ZNF155: variants seen among roughly 807,000 people sequenced by gnomAD.
ZNF155 encodes KRAB A domain.
A neutral mutation model predicts 11.9 loss-of-function variants in ZNF155; 15 were observed. That is an observed-to-expected ratio of 1.26 (90% CI 0.84 to 1.94). The LOEUF is 1.94. ZNF155 is among the 30% of genes most tolerant of loss of function. ZNF155 has a pLI of 0.00. For missense variants in ZNF155, 602 were observed against 639.1 expected (o/e 0.94, Z 0.63); for synonymous variants, 212 against 219.9 (o/e 0.96, Z 0.32).
chr19:43,986,249 C>G (rs750564222), intron 1 of ZNF155, among the ~76,000 whole-genome samples: 2 of 152,050 alleles, frequency 1.3e-5, no homozygotes, highest in African/African-American at 2.4e-5. Context: ...GATGGAACTT[C>G]CAGTTCTCCT....
chr19:43,986,498 G>A (rs951809778), intron 1 of ZNF155, among the ~76,000 whole-genome samples: 4 of 144,994 alleles, frequency 2.8e-5, no homozygotes, highest in Non-Finnish European at 5.9e-5. Flanking sequence ...CACCTAGGCT[G>A]GAGTGCAGTG....
At position 43,997,793 on chromosome 19, in the gene ZNF155, A is replaced by C; in HGVS notation, c.*319A>C. ...ATGCCCATGGCTGCACAGATAGAAGAACCTCCAGCCCATTCAGGTAAAAAC... is the reference window on the plus strand; with the variant it reads ...ATGCCCATGGCTGCACAGATAGAAGCACCTCCAGCCCATTCAGGTAAAAAC... On this transcript the variant is annotated 3_prime_UTR_variant, in exon 5 of 5. Transcript: ENST00000270014. The C allele has an allele frequency of 4.7e-6, 1 of 211,474 alleles. No individual in the cohort carries two copies. The highest frequency in any genetic ancestry group is 1.1e-4 in the East Asian group (1 of 9,152). 13.1% of individuals were successfully genotyped at this position (211,474 alleles called of 1,614,324 possible). A position where few individuals can be genotyped will look rare whatever the true frequency, so the allele number is the denominator to read the frequency against.
intron 2 of ZNF155, chr19:43,988,866 T>C (rs393536): frequency 0.37 from 103,745 of 279,408 alleles, 21,385 homozygotes; most frequent in African/African-American, 0.59. Context: ...CATGTACATT[T>C]GTAACTGTAT....
chr19:43,995,108 C>CT (rs34395661), intron 4 of ZNF155, among the ~76,000 whole-genome samples: 22,361 of 144,836 alleles, frequency 0.15, 1,723 homozygotes, highest in East Asian at 0.21. Context: ...GTTAGGTTAA[C>CT]TTTTTTTTTT....
chr19:43,988,595 A>T (rs769672152), intron 2 of ZNF155, 37 bp downstream of exon 2: 2 of 1,587,346 alleles, frequency 1.3e-6, no homozygotes, highest in East Asian at 2.2e-5. Context: ...TTAAAATTCC[A>T]TGTCACTACT....
chr19:43,996,048 T>C (rs768629659), intron 4 of ZNF155, 45 bp from the exon 5 acceptor site: 7 of 1,525,466 alleles, frequency 4.6e-6, no homozygotes, highest in African/African-American at 2.8e-5. Context: ...GATCACTGAA[T>C]AAAGGCTTCA....
chr19:43,992,896 G>A (rs908953771), intron 4 of ZNF155, among the ~76,000 whole-genome samples: 11 of 152,350 alleles, frequency 7.2e-5, no homozygotes, highest in Admixed American at 2.6e-4. Flanking sequence ...ATTGACCCAC[G>A]TCCCGTGGAA....
At chr19:43,987,002 C>T (rs1975484424) in intron 1 of ZNF155, among the ~76,000 whole-genome samples, 1 of 152,124 alleles carries the variant, frequency 6.6e-6, no homozygotes, top group Non-Finnish European at 1.5e-5. Flanking sequence ...CCATGGTGAT[C>T]ATGGGGTGAC....
chr19:43,993,538 T>A (rs546387338), intron 4 of ZNF155, among the ~76,000 whole-genome samples: 115 of 152,258 alleles, frequency 7.6e-4, no homozygotes, highest in African/African-American at 2.4e-3. Flanking sequence ...CTCACCCTCA[T>A]AAGTAGCTGG....
At position 43,996,391 on chromosome 19, in the gene ZNF155, T is replaced by C. The variant is rs201660478; in HGVS notation, c.534T>C (p.Cys178=). The C allele has an allele frequency of 3.0e-5, 48 of 1,614,174 alleles. 2 individuals are homozygous for C. In the African/African-American group the frequency reaches 4.7e-4, roughly 16 times the overall value. The change falls in exon 5 of 5, where the codon TGT becomes TGC. Residue 178 remains cysteine (C), a synonymous_variant. Transcript: ENST00000270014. ...ACTCAGAAGAGAAGTCTTATACATG[T>C]GATGAGTGTGGAAAAAGCATCTGTT... ...QLYSEEKSYT[C]DECGKSICYI...
intron 4 of ZNF155, among the ~76,000 whole-genome samples, chr19:43,995,571 A>G (rs770217420): frequency 9.2e-5 from 14 of 151,938 alleles, no homozygotes; most frequent in Non-Finnish European, 1.9e-4. Context: ...TTTAGTAGGG[A>G]CAGGGTTTTG....
chr19:43,995,406 CTT>C (rs60385928), intron 4 of ZNF155, among the ~76,000 whole-genome samples: 1,948 of 94,242 alleles, frequency 0.021, 19 homozygotes, highest in South Asian at 0.078. Context: ...GCATCCAGCA[CTT>C]TTTTTTTTTT....
rs758240263 is a variant in ZNF155 at position 43,997,187 on chromosome 19, G to A, written c.1330G>A (p.Asp444Asn). The change falls in exon 5 of 5, where the codon GAC becomes AAC. Residue 444 changes from aspartate (D) to asparagine (N), a missense_variant. Physicochemically the swap from Asp to Asn is conservative, Grantham distance 23. Transcript: ENST00000270014. ...GGGCTATGTTACTAAGTTTAATCTTGACTTGCACCAGAGGGTCCACACGGG... is the reference window on the plus strand; with the variant it reads ...GGGCTATGTTACTAAGTTTAATCTTAACTTGCACCAGAGGGTCCACACGGG... ...GKGYVTKFNL[D>N]LHQRVHTGER... The A allele has an allele frequency of 6.2e-7, 1 of 1,614,080 alleles. No homozygotes were observed. Among genetic ancestry groups the A allele is most frequent in the Non-Finnish European group, 8.5e-7 (1 of 1,180,016 alleles).
At chr19:43,986,793 C>A (rs938409305) in intron 1 of ZNF155, among the ~76,000 whole-genome samples, 2 of 152,066 alleles carry the variant, frequency 1.3e-5, no homozygotes, top group Non-Finnish European at 2.9e-5. Context: ...AGTTGAAAAC[C>A]TTTCATTTTT....
At chr19:43,985,960 G>T (rs1221632831) in intron 1 of ZNF155, among the ~76,000 whole-genome samples, 2 of 152,196 alleles carry the variant, frequency 1.3e-5, no homozygotes, top group Non-Finnish European at 2.9e-5. Flanking sequence ...TCATCCCTTG[G>T]ATACATTTTC....
In ZNF155 at chr19:43,988,488, C is replaced by A. The variant is rs973645659; in HGVS notation, c.-56C>A. ...TGGCACGTTTCAGGCAGGATTCCTCCTTCATTCAAACTGCATCACCCAGGA... is the reference window on the plus strand; with the variant it reads ...TGGCACGTTTCAGGCAGGATTCCTCATTCATTCAAACTGCATCACCCAGGA... On this transcript the variant is annotated 5_prime_UTR_variant, in exon 2 of 5. Transcript: ENST00000270014. 6.4e-7 allele frequency: 1 copy of A among 1,570,280 alleles called. No homozygotes were observed. Among genetic ancestry groups the A allele is most frequent in the Non-Finnish European group, 8.7e-7 (1 of 1,154,682 alleles).
intron 1 of ZNF155, among the ~76,000 whole-genome samples, chr19:43,986,447 GTGTTT>G (rs72021399): frequency 0.11 from 15,824 of 142,054 alleles, 1,126 homozygotes; most frequent in Non-Finnish European, 0.14. Flanking sequence ...ATTCCCATTT[GTGTTT>G]TTTTTTTTTT....
At chr19:43,987,539 A>G (rs1975504644) in intron 1 of ZNF155, among the ~76,000 whole-genome samples, 1 of 152,146 alleles carries the variant, frequency 6.6e-6, no homozygotes, top group African/African-American at 2.4e-5. Flanking sequence ...TTTCCTTCCT[A>G]TTGTAACATA....
chr19:43,987,520 G>A (rs992668815), intron 1 of ZNF155, among the ~76,000 whole-genome samples: 3 of 152,236 alleles, frequency 2.0e-5, no homozygotes, highest in African/African-American at 7.2e-5. Flanking sequence ...TACTGCCAAA[G>A]TGATAAGGTT....
Sources: gnomAD v4.1 joint callset for allele counts (sites outside exome capture counted in the v4.1 genomes callset) on GRCh38, gnomAD v4.1.1 for gene constraint, MANE v1.5 for transcripts, NCBI Gene and HGNC (gene_info 2026-07-23, HGNC 2026-07-21) for gene names.